The following C13orf42 variants were observed in gnomAD, a reference collection of about 807,000 sequenced individuals.
C13orf42 encodes chromosome 13 open reading frame 42, also known as uncharacterized protein C13orf42.
chr13:51,097,912 CTG>C (rs1487883732), intron 1 of C13orf42, among the ~76,000 whole-genome samples: 1 of 152,162 alleles, frequency 6.6e-6, no homozygotes, highest in Non-Finnish European at 1.5e-5. Context: ...CTAAGAGAAT[CTG>C]TATCTTATTG....
upstream of C13orf42, among the ~76,000 whole-genome samples, chr13:51,115,224 AG>A (rs1953478270): frequency 6.6e-6 from 1 of 152,232 alleles, no homozygotes; most frequent in African/African-American, 2.4e-5. Flanking sequence ...ATATTTGTAG[AG>A]ATCACAGGCT....
chr13:51,165,303 AG>A (rs1314368310), intron 1 of C13orf42, among the ~76,000 whole-genome samples: 1 of 152,226 alleles, frequency 6.6e-6, no homozygotes, highest in Non-Finnish European at 1.5e-5. Context: ...CTCTTCTTCT[AG>A]CCCCTTCAGG....
At chr13:51,149,019 C>T (rs1429354248) in intron 1 of C13orf42, among the ~76,000 whole-genome samples, 2 of 152,168 alleles carry the variant, frequency 1.3e-5, no homozygotes, top group Non-Finnish European at 2.9e-5. Flanking sequence ...CCTCCTGCCC[C>T]ACACAGTTTG....
At chr13:51,167,036 G>C (rs1953907656) in intron 1 of C13orf42, among the ~76,000 whole-genome samples, 1 of 151,550 alleles carries the variant, frequency 6.6e-6, no homozygotes. Flanking sequence ...CCGAGATCGT[G>C]CCACTGCACT....
At chr13:51,163,952 G>A (rs776758116) in intron 1 of C13orf42, among the ~76,000 whole-genome samples, 2 of 152,060 alleles carry the variant, frequency 1.3e-5, no homozygotes, top group African/African-American at 2.4e-5. Flanking sequence ...ACAAGCAAAC[G>A]GCAGGAGAGA....
chr13:51,091,236 G>C (rs1593528901), intron 1 of C13orf42, among the ~76,000 whole-genome samples: 2 of 152,280 alleles, frequency 1.3e-5, no homozygotes, highest in East Asian at 3.9e-4. Context: ...AAGATCGAAA[G>C]ATCTTTTGGA....
chr13:51,142,259 A>G (rs1953701133), intron 1 of C13orf42, among the ~76,000 whole-genome samples: 1 of 152,236 alleles, frequency 6.6e-6, no homozygotes, highest in Non-Finnish European at 1.5e-5. Context: ...ACTATAAACT[A>G]AGTTCCTCCC....
At chr13:51,170,387 C>T (rs1434260744) in intron 1 of C13orf42, among the ~76,000 whole-genome samples, 5 of 152,138 alleles carry the variant, frequency 3.3e-5, no homozygotes, top group African/African-American at 4.8e-5. Context: ...CTCTTTGCTC[C>T]GTGAGAAACA....
chr13:51,163,597 T>A (rs1198610776), intron 1 of C13orf42, among the ~76,000 whole-genome samples: 3 of 152,208 alleles, frequency 2.0e-5, no homozygotes, highest in African/African-American at 4.8e-5. Flanking sequence ...CCTAGCAGCC[T>A]CCCTTTAACC....
intron 1 of C13orf42, among the ~76,000 whole-genome samples, chr13:51,119,766 G>A (rs749570820): frequency 4.6e-5 from 7 of 152,214 alleles, no homozygotes; most frequent in Non-Finnish European, 7.3e-5. Context: ...AAAATGGGAA[G>A]TTAGTGCTTG....
At chr13:51,130,901 AT>A (rs549015317) in intron 1 of C13orf42, among the ~76,000 whole-genome samples, 3 of 151,162 alleles carry the variant, frequency 2.0e-5, no homozygotes, top group Non-Finnish European at 4.4e-5. Context: ...GGAAATGTGG[AT>A]TTTTTTTGCC....
intron 1 of C13orf42, among the ~76,000 whole-genome samples, chr13:51,102,446 A>G (rs1414897645): frequency 1.3e-5 from 2 of 152,256 alleles, no homozygotes; most frequent in African/African-American, 4.8e-5. Context: ...TGGCCTTAAT[A>G]GAAAATTATT....
intron 1 of C13orf42, among the ~76,000 whole-genome samples, chr13:51,169,072 A>G (rs1318466772): frequency 6.6e-6 from 1 of 152,180 alleles, no homozygotes; most frequent in Non-Finnish European, 1.5e-5. Flanking sequence ...AATATAGAAA[A>G]TTGGTACTTA....
At chr13:51,168,111 C>A (rs1320572643) in intron 1 of C13orf42, among the ~76,000 whole-genome samples, 2 of 152,180 alleles carry the variant, frequency 1.3e-5, no homozygotes, top group Non-Finnish European at 2.9e-5. Flanking sequence ...AGGGACACTT[C>A]ATTGTTGACC....
chr13:51,114,146 G>A (rs1000849307), upstream of C13orf42, among the ~76,000 whole-genome samples: 1 of 152,178 alleles, frequency 6.6e-6, no homozygotes, highest in East Asian at 1.9e-4. Context: ...GCCTCTGCCT[G>A]CTCCTAGATG....
chr13:51,113,791 C>CT (rs1302984250), upstream of C13orf42, among the ~76,000 whole-genome samples: 4 of 152,144 alleles, frequency 2.6e-5, no homozygotes, highest in Non-Finnish European at 4.4e-5. Context: ...TCCCCCCAGG[C>CT]TTGACTCTTT....
chr13:51,137,967 T>C (rs966373690), intron 1 of C13orf42, among the ~76,000 whole-genome samples: 1 of 152,208 alleles, frequency 6.6e-6, no homozygotes, highest in Non-Finnish European at 1.5e-5. Context: ...TCAGCTTCTC[T>C]CTAAGTGGCT....
chr13:51,158,693 G>A (rs749559496), intron 1 of C13orf42, among the ~76,000 whole-genome samples: 2 of 152,168 alleles, frequency 1.3e-5, no homozygotes, highest in Admixed American at 6.5e-5. Context: ...CAAGTCAACC[G>A]ATGGATCTGA....
chr13:51,126,834 A>G (rs998478802), intron 1 of C13orf42, among the ~76,000 whole-genome samples: 5 of 152,232 alleles, frequency 3.3e-5, no homozygotes, highest in African/African-American at 9.6e-5. Context: ...GAAGAATTCA[A>G]TAGTGGTCAA....
Sources: gnomAD v4.1 joint callset for allele counts (sites outside exome capture counted in the v4.1 genomes callset) on GRCh38, gnomAD v4.1.1 for gene constraint, MANE v1.5 for transcripts, NCBI Gene and HGNC (gene_info 2026-07-23, HGNC 2026-07-21) for gene names.